Variants in CACNA2D1 observed in about 807,000 individuals in gnomAD.
CACNA2D1 encodes the protein calcium voltage-gated channel auxiliary subunit alpha2delta 1, also known as voltage-dependent calcium channel subunit alpha-2/delta-1.
In CACNA2D1, 53 loss-of-function variants were observed where a neutral mutation model predicts 171.5. That is an observed-to-expected ratio of 0.31 (90% confidence interval 0.25 to 0.39). CACNA2D1 has a LOEUF of 0.39. CACNA2D1 is among the 10% of genes least tolerant of loss of function. The pLI is 1.00. For missense variants in CACNA2D1, 903 were observed against 1,299.8 expected, an observed-to-expected ratio of 0.69 and a Z score of 4.69; for synonymous variants, 442 against 443.1, an observed-to-expected ratio of 1.00 and a Z score of 0.03.
At chr7:82,214,818 C>T (rs1189476267) in intron 3 of CACNA2D1, among the ~76,000 whole-genome samples, 2 of 152,090 alleles carry the variant, frequency 1.3e-5, no homozygotes, top group African/African-American at 2.4e-5. Context: ...AAATAATTTA[C>T]AAACCTCCAA....
Position 81,989,437 on chromosome 7 carries a change from C to A in CACNA2D1, c.1796+1748G>T, listed in dbSNP as rs185055675. ...AGATACAGATGCAAGTAGTTATGTACTCTAATAGTGGGAGTTCTTTCTGAC... is the reference window on the plus strand; with the variant it reads ...AGATACAGATGCAAGTAGTTATGTAATCTAATAGTGGGAGTTCTTTCTGAC... On this transcript the variant is annotated intron_variant, in intron 21 of 38. Coordinates refer to ENST00000356860, the MANE Select transcript of CACNA2D1 (RefSeq NM_000722.4). Among the ~76,000 whole-genome samples the A allele has an allele frequency of 2.7e-3, 408 of 152,306 alleles. 3 individuals are homozygous for A. The highest frequency in any genetic ancestry group is 9.3e-3 in the African/African-American group (385 of 41,580).
In CACNA2D1 at chr7:81,950,516, T is replaced by TA. The variant is rs367960608; in HGVS notation, c.3160-9dup. The TA allele has an allele frequency of 0.085, 120,554 of 1,423,610 alleles. 2,403 individuals carry two copies. The highest frequency in any genetic ancestry group is 0.11 in the Admixed American group (5,836 of 51,330). The allele number at this position is 1,423,610 out of a possible 1,614,324, so 88.2% of individuals were successfully genotyped here. A position where few individuals can be genotyped will look rare whatever the true frequency, so the allele number is the denominator to read the frequency against. Reference sequence around the variant, plus strand: ...ACAGTCAGTATAATCCTCCTGTTGTTAAAAAAAAAAGAAAAGAACAGAAAA... The same window carrying TA: ...ACAGTCAGTATAATCCTCCTGTTGTTAAAAAAAAAAAGAAAAGAACAGAAAA... On this transcript the variant is annotated splice_polypyrimidine_tract_variant and intron_variant, in intron 38 of 38. Coordinates refer to ENST00000356860, the MANE Select transcript of CACNA2D1 (RefSeq NM_000722.4).
intron 3 of CACNA2D1, among the ~76,000 whole-genome samples, chr7:82,299,107 T>C: frequency 6.6e-6 from 1 of 151,868 alleles, no homozygotes; most frequent in East Asian, 1.9e-4. Context: ...CCAAGTCATT[T>C]TTTACTCACC....
In CACNA2D1 at chr7:82,004,643, G is replaced by A. The variant is rs576607131; in HGVS notation, c.1590+780C>T. On this transcript the variant is annotated intron_variant, in intron 18 of 38. Coordinates refer to ENST00000356860, the MANE Select transcript of CACNA2D1 (RefSeq NM_000722.4). ...CGGGAGAAAGTAGTAGTATGCATAAGTCTGCATGGTTTAAAGGATCTTCAA... is the reference window on the plus strand; with the variant it reads ...CGGGAGAAAGTAGTAGTATGCATAAATCTGCATGGTTTAAAGGATCTTCAA... Among the ~76,000 whole-genome samples the A allele has an allele frequency of 1.5e-4, 23 of 152,158 alleles. No individual in the cohort carries two copies. The South Asian group carries it at 4.6e-3, about 30-fold the overall frequency.
chr7:82,195,658 T>C (rs62462989), intron 3 of CACNA2D1, among the ~76,000 whole-genome samples: 3 of 143,920 alleles, frequency 2.1e-5, no homozygotes, highest in Non-Finnish European at 4.5e-5. Flanking sequence ...ATTTCATGTA[T>C]TTAAAAAAAA....
intron 1 of CACNA2D1, among the ~76,000 whole-genome samples, chr7:82,365,018 T>A (rs1821523802): frequency 6.6e-6 from 1 of 151,622 alleles, no homozygotes; most frequent in Non-Finnish European, 1.5e-5. Flanking sequence ...TGGCACTAGA[T>A]AAGACTAAAA....
At position 82,013,455 on chromosome 7, in the gene CACNA2D1, T is replaced by C. The variant is rs1181840198; in HGVS notation, c.1272+6A>G. On this transcript the variant is annotated splice_donor_region_variant and intron_variant, in intron 14 of 38. Coordinates refer to ENST00000356860, the MANE Select transcript of CACNA2D1 (RefSeq NM_000722.4). ...AATAATTTAAACAAGTTTTAAATAA[T>C]CATACCTGAGTATTGATTCTTATTG... The C allele has an allele frequency of 1.8e-6, 2 of 1,097,020 alleles. No individual in the cohort carries two copies. The highest frequency in any genetic ancestry group is 2.5e-6 in the Non-Finnish European group (2 of 789,064). The allele number at this position is 1,097,020 out of a possible 1,614,324, so 68.0% of individuals were successfully genotyped here.
At chr7:82,106,661 T>G (rs2129042998) in intron 6 of CACNA2D1, among the ~76,000 whole-genome samples, 1 of 152,272 alleles carries the variant, frequency 6.6e-6, no homozygotes, top group African/African-American at 2.4e-5. Context: ...AATATTTTCT[T>G]TAAACATTGT....
chr7:82,231,976 C>T (rs1320944065), intron 3 of CACNA2D1, among the ~76,000 whole-genome samples: 1 of 152,080 alleles, frequency 6.6e-6, no homozygotes, highest in Non-Finnish European at 1.5e-5. Flanking sequence ...TAATACCCTA[C>T]CCACAATAAA....
intron 18 of CACNA2D1, among the ~76,000 whole-genome samples, chr7:81,997,767 G>A (rs867715900): frequency 4.6e-5 from 7 of 151,518 alleles, no homozygotes; most frequent in African/African-American, 1.4e-4. Context: ...AGTATATAAA[G>A]AAAAGGTGCA....
At chr7:82,040,751 G>C (rs957823972) in intron 10 of CACNA2D1, among the ~76,000 whole-genome samples, 18 of 152,206 alleles carry the variant, frequency 1.2e-4, no homozygotes, top group Admixed American at 6.5e-4. Context: ...AAGACGGGTG[G>C]ATCACCTGAG....
intron 5 of CACNA2D1, among the ~76,000 whole-genome samples, chr7:82,117,658 C>T (rs1223041877): frequency 6.6e-6 from 1 of 152,058 alleles, no homozygotes; most frequent in Admixed American, 6.6e-5. Context: ...CATGGCAGCA[C>T]AGGCCTGTAG....
intron 4 of CACNA2D1, among the ~76,000 whole-genome samples, chr7:82,162,242 G>C (rs1388353419): frequency 5.3e-5 from 8 of 151,950 alleles, no homozygotes; most frequent in Non-Finnish European, 4.4e-5. Flanking sequence ...TTGGAGGTTT[G>C]CAGTATAAAA....
chr7:81,978,421 C>T (rs935842549), intron 24 of CACNA2D1, among the ~76,000 whole-genome samples: 2 of 151,980 alleles, frequency 1.3e-5, no homozygotes, highest in African/African-American at 4.8e-5. Context: ...AAGTTCATGT[C>T]CTTTGCAGGG....
chr7:82,214,857 A>G (rs1231013917), intron 3 of CACNA2D1, among the ~76,000 whole-genome samples: 1 of 152,220 alleles, frequency 6.6e-6, no homozygotes, highest in Admixed American at 6.5e-5. Context: ...AGTAATCTAA[A>G]TAATATAATT....
chr7:82,441,006 G>A (rs1364771206), intron 1 of CACNA2D1, among the ~76,000 whole-genome samples: 2 of 150,756 alleles, frequency 1.3e-5, no homozygotes, highest in African/African-American at 2.4e-5. Flanking sequence ...ATGATTCCGA[G>A]AGAAATTTAC....
At chr7:82,340,035 G>A (rs1818434020) in intron 2 of CACNA2D1, among the ~76,000 whole-genome samples, 1 of 152,166 alleles carries the variant, frequency 6.6e-6, no homozygotes, top group South Asian at 2.1e-4. Flanking sequence ...AACACTGCTG[G>A]CTTTGAAGAC....
Position 82,005,503 on chromosome 7 carries a change from AAAG to A in CACNA2D1, c.1516-9_1516-7del, listed in dbSNP as rs1365855025. On this transcript the variant is annotated splice_region_variant and splice_polypyrimidine_tract_variant and intron_variant, in intron 17 of 38. Coordinates refer to ENST00000356860, the MANE Select transcript of CACNA2D1 (RefSeq NM_000722.4). ...TAATACCCATTGGGGCACAGCTGGAAAAGAAAAAAAAAAAAAAGCTTGGATATG... is the reference window on the plus strand; with the variant it reads ...TAATACCCATTGGGGCACAGCTGGAAAAAAAAAAAAAAAAGCTTGGATATG... 1.3e-6 allele frequency: 2 copies of A among 1,563,052 alleles called. No individual in the cohort carries two copies. The highest frequency in any genetic ancestry group is 1.4e-5 in the African/African-American group (1 of 73,032).
At chr7:82,276,054 TTCTTTAACTGAGTTGAA>T (rs1487179262) in intron 3 of CACNA2D1, among the ~76,000 whole-genome samples, 9 of 152,214 alleles carry the variant, frequency 5.9e-5, no homozygotes, top group African/African-American at 2.2e-4. Context: ...TCCTATCATA[TTCTTTAACTGAGTTGAA>T]TCTACTTACT....
Sources: gnomAD v4.1 joint callset for allele counts (sites outside exome capture counted in the v4.1 genomes callset) on GRCh38, gnomAD v4.1.1 for gene constraint, MANE v1.5 for transcripts, NCBI Gene and HGNC (gene_info 2026-07-23, HGNC 2026-07-21) for gene names.